Variants in MTUS2 observed in about 807,000 individuals in gnomAD.
MTUS2 encodes the protein microtubule associated scaffold protein 2.
MTUS2 carries 40 observed loss-of-function variants against 114.1 expected under a neutral mutation model. The observed-to-expected ratio is 0.35, with a 90% confidence interval of 0.27 to 0.46. The LOEUF is 0.46. MTUS2 is among the 20% of genes least tolerant of loss of function. MTUS2 has a pLI of 1.00. For synonymous variants in MTUS2, 688 were observed against 672.0 expected (o/e 1.02, Z -0.37); for missense variants, 1,679 against 1,705.4 (o/e 0.98, Z 0.27).
intron 5 of MTUS2, among the ~76,000 whole-genome samples, chr13:29,193,884 A>C (rs1013978015): frequency 5.3e-5 from 8 of 152,246 alleles, no homozygotes; most frequent in African/African-American, 1.9e-4. Flanking sequence ...TGGTACTGGT[A>C]CAAAAACAGA....
chr13:28,915,278 A>G (rs144297519), intron 2 of MTUS2, among the ~76,000 whole-genome samples: 15 of 152,078 alleles, frequency 9.9e-5, no homozygotes, highest in African/African-American at 3.4e-4. Flanking sequence ...TAGCTCTTCA[A>G]TATACTGCTT....
chr13:29,162,629 A>C (rs1389676132), intron 5 of MTUS2, among the ~76,000 whole-genome samples: 1 of 152,254 alleles, frequency 6.6e-6, no homozygotes, highest in African/African-American at 2.4e-5. Flanking sequence ...CATTTGGAAT[A>C]AACATCATGT....
chr13:29,198,446 AGTACCATGCTGTTTTGGTTACT>A (rs1244266212), intron 5 of MTUS2, among the ~76,000 whole-genome samples: 1 of 152,186 alleles, frequency 6.6e-6, no homozygotes, highest in Non-Finnish European at 1.5e-5. Context: ...TTTTGATACC[AGTACCATGCTGTTTTGGTTACT>A]GTAGCCTTGT....
At chr13:29,371,084 C>A (rs945625436) in intron 8 of MTUS2, among the ~76,000 whole-genome samples, 1 of 152,178 alleles carries the variant, frequency 6.6e-6, no homozygotes, top group African/African-American at 2.4e-5. Context: ...CCTGTTTCTT[C>A]AACCTCAAAA....
At chr13:29,452,436 C>T (rs980430443) in intron 9 of MTUS2, among the ~76,000 whole-genome samples, 2 of 151,886 alleles carry the variant, frequency 1.3e-5, no homozygotes, top group African/African-American at 2.4e-5. Context: ...GAGACAGAGC[C>T]TTGCTCTGTC....
chr13:29,049,925 G>T (rs1318035706), intron 4 of MTUS2, among the ~76,000 whole-genome samples: 1 of 152,210 alleles, frequency 6.6e-6, no homozygotes, highest in Non-Finnish European at 1.5e-5. Flanking sequence ...TTGAAAAAGA[G>T]CCTGCGCCCC....
At chr13:29,192,411 G>T (rs887122939) in intron 5 of MTUS2, among the ~76,000 whole-genome samples, 2 of 152,152 alleles carry the variant, frequency 1.3e-5, no homozygotes, top group African/African-American at 4.8e-5. Context: ...TGAAAGAGAA[G>T]GATAGGGAGA....
intron 2 of MTUS2, among the ~76,000 whole-genome samples, chr13:28,975,562 A>G (rs753672422): frequency 6.6e-6 from 1 of 152,128 alleles, no homozygotes; most frequent in Non-Finnish European, 1.5e-5. Context: ...CCACCTTGAC[A>G]GTGTGGTCAG....
rs1246056227 is a variant in MTUS2 at position 29,070,649 on chromosome 13, GT to G, written c.2447-30121del. On this transcript the variant is annotated intron_variant, in intron 4 of 15. Transcript: ENST00000612955. The stretch of plus-strand genomic sequence containing the variant: ...GAATGTGTGTCAGAGAGAGAGAGAG[GT>G]TTATGTTGCTAAGGATTTGTTAAAC... Among the ~76,000 whole-genome samples, 9 of 152,134 alleles carry G rather than the reference GT, an allele frequency of 5.9e-5. No homozygotes were observed. In the East Asian group the frequency reaches 1.7e-3, roughly 29 times the overall value.
intron 2 of MTUS2, among the ~76,000 whole-genome samples, chr13:28,917,419 T>G (rs12862634): frequency 0.024 from 3,619 of 152,038 alleles, 64 homozygotes; most frequent in Non-Finnish European, 0.041. Flanking sequence ...GGGGACTTTA[T>G]TGCAGTTTCT....
At chr13:29,293,326 A>G (rs7320860) in intron 6 of MTUS2, among the ~76,000 whole-genome samples, 24,019 of 152,148 alleles carry the variant, frequency 0.16, 1,953 homozygotes, top group African/African-American at 0.17. Flanking sequence ...AAAGTGGTCA[A>G]TGGCTATAAA....
chr13:29,191,146 A>G (rs557112819), intron 5 of MTUS2, among the ~76,000 whole-genome samples: 5 of 152,066 alleles, frequency 3.3e-5, no homozygotes, highest in Admixed American at 2.6e-4. Context: ...CCCAAGTTGT[A>G]TTCATTTTTA....
At chr13:29,223,692 A>G (rs1358850824) in intron 5 of MTUS2, among the ~76,000 whole-genome samples, 1 of 152,204 alleles carries the variant, frequency 6.6e-6, no homozygotes, top group Non-Finnish European at 1.5e-5. Context: ...AAGAACTGTA[A>G]CACAAACAGG....
At chr13:29,214,510 C>T (rs2139296347) in intron 5 of MTUS2, among the ~76,000 whole-genome samples, 1 of 152,270 alleles carries the variant, frequency 6.6e-6, no homozygotes, top group South Asian at 2.1e-4. Flanking sequence ...TTGTTCCTTT[C>T]CGTGGTTAGT....
chr13:29,152,691 G>A (rs1458017486), intron 5 of MTUS2, among the ~76,000 whole-genome samples: 1 of 152,028 alleles, frequency 6.6e-6, no homozygotes, highest in Non-Finnish European at 1.5e-5. Context: ...GCCTCAAGAT[G>A]TGGCTTCCCC....
chr13:29,179,841 A>C (rs747570150), intron 5 of MTUS2, among the ~76,000 whole-genome samples: 1 of 152,190 alleles, frequency 6.6e-6, no homozygotes, highest in Non-Finnish European at 1.5e-5. Context: ...TTCATTTTAA[A>C]ATATCTGAAG....
chr13:29,422,648 C>CTTTTTTTTTTTTTTT (rs11342823), intron 8 of MTUS2, among the ~76,000 whole-genome samples: 1 of 67,978 alleles, frequency 1.5e-5, no homozygotes, highest in Admixed American at 2.2e-4. Flanking sequence ...GATTTCTTTT[C>CTTTTTTTTTTTTTTT]TTTTTTTTTT....
chr13:29,263,212 G>C (rs1018407137), intron 5 of MTUS2, among the ~76,000 whole-genome samples: 1 of 152,148 alleles, frequency 6.6e-6, no homozygotes, highest in Admixed American at 6.5e-5. Flanking sequence ...AGACCCTATA[G>C]TAGGAATCCA....
intron 8 of MTUS2, among the ~76,000 whole-genome samples, chr13:29,381,005 G>C (rs908482862): frequency 2.0e-5 from 3 of 151,834 alleles, no homozygotes; most frequent in African/African-American, 7.3e-5. Flanking sequence ...CTGTCAGCTT[G>C]TGCATGCCCC....
Sources: allele counts gnomAD v4.1 joint callset (sites outside exome capture counted in the v4.1 genomes callset), GRCh38; gene constraint gnomAD v4.1.1; transcripts MANE v1.5; gene names NCBI Gene and HGNC (gene_info 2026-07-23, HGNC 2026-07-21).